MINK1: variants seen among roughly 807,000 people sequenced by gnomAD.
MINK1 encodes the protein misshapen-like kinase 1.
Under a neutral mutation model 178.4 loss-of-function variants are expected in MINK1, and 46 were observed. The observed-to-expected ratio is 0.26, with a 90% CI of 0.20 to 0.33. MINK1 has a LOEUF of 0.33. MINK1 is among the 10% of genes least tolerant of loss of function. The pLI, the probability that MINK1 is intolerant of heterozygous loss-of-function variation, is 1.00. For synonymous variants in MINK1, 797 were observed against 709.7 expected, an observed-to-expected ratio of 1.12 and a Z score of -1.96; for missense variants, 1,366 against 1,814.9, an observed-to-expected ratio of 0.75 and a Z score of 4.49.
chr17:4,844,649 C>T (rs1183093244), intron 1 of MINK1: 5 of 452,712 alleles, frequency 1.1e-5, no homozygotes, highest in Non-Finnish European at 2.2e-5. Context: ...GGGCTCGTAC[C>T]CAGAACTAAT....
chr17:4,891,725 A>G lies in MINK1; in HGVS notation c.2001+9A>G. On this transcript the variant is annotated intron_variant, in intron 16 of 31. Coordinates refer to ENST00000355280, the MANE Select transcript of MINK1 (RefSeq NM_153827.5). Reference sequence around the variant, plus strand: ...ACGAGGCCCCACCCAAGGTAAGGACAGTTCTGCAGGCCCAGGGAAAAGCAG... The same window carrying G: ...ACGAGGCCCCACCCAAGGTAAGGACGGTTCTGCAGGCCCAGGGAAAAGCAG... The G allele has an allele frequency of 1.3e-6, 2 of 1,596,152 alleles. No homozygotes were observed. The highest frequency in any genetic ancestry group is 1.1e-5 in the South Asian group (1 of 88,752).
chr17:4,855,267 A>G lies in MINK1; in HGVS notation c.57+21627A>G, dbSNP rs535893566. On this transcript the variant is annotated intron_variant, in intron 1 of 31. Coordinates refer to ENST00000355280, the MANE Select transcript of MINK1 (RefSeq NM_153827.5). Reference sequence around the variant, plus strand: ...TTTGGGAGGCTGAGGCAGGTGGATCACGAGGTCAGGAGATCAAGACCATCC... The same window carrying G: ...TTTGGGAGGCTGAGGCAGGTGGATCGCGAGGTCAGGAGATCAAGACCATCC... Among the ~76,000 whole-genome samples the G allele has an allele frequency of 2.7e-5, 4 of 150,284 alleles. No individual in the cohort carries two copies. The South Asian group carries it at 8.5e-4, about 32-fold the overall frequency.
At chr17:4,864,749 T>G (rs1482028828) in intron 1 of MINK1, among the ~76,000 whole-genome samples, 6 of 151,082 alleles carry the variant, frequency 4.0e-5, no homozygotes, top group Non-Finnish European at 8.9e-5. Context: ...ATGGGGAGAG[T>G]GGACAATGAC....
intron 4 of MINK1, among the ~76,000 whole-genome samples, chr17:4,883,661 AGCTGGGACTACAGGAGCCC>A (rs1337977385): frequency 6.9e-6 from 1 of 145,952 alleles, no homozygotes; most frequent in Admixed American, 6.8e-5. Context: ...CCTCCCAAGT[AGCTGGGACTACAGGAGCCC>A]GCCACCACGC....
chr17:4,853,214 G>A (rs868448677), intron 1 of MINK1, among the ~76,000 whole-genome samples: 2 of 37,436 alleles, frequency 5.3e-5, no homozygotes, highest in East Asian at 8.0e-4. Context: ...GTTGGTGGGG[G>A]GAGTGTGGTT....
rs1292960763 is a variant in MINK1 at position 4,891,724 on chromosome 17, C to T, written c.2001+8C>T. 1.3e-6 allele frequency: 2 copies of T among 1,595,894 alleles called. No individual in the cohort carries two copies. The highest frequency in any genetic ancestry group is 1.7e-6 in the Non-Finnish European group (2 of 1,171,092). On this transcript the variant is annotated splice_region_variant and intron_variant, in intron 16 of 31. Coordinates refer to ENST00000355280, the MANE Select transcript of MINK1 (RefSeq NM_153827.5). Reference sequence around the variant, plus strand: ...AACGAGGCCCCACCCAAGGTAAGGACAGTTCTGCAGGCCCAGGGAAAAGCA... The same window carrying T: ...AACGAGGCCCCACCCAAGGTAAGGATAGTTCTGCAGGCCCAGGGAAAAGCA...
At chr17:4,892,542 AC>A (rs757241265) in intron 18 of MINK1, 30 bp downstream of exon 18, 1 of 1,536,616 alleles carries the variant, frequency 6.5e-7, no homozygotes, top group Non-Finnish European at 8.9e-7. Flanking sequence ...ACTCACTCTC[AC>A]CTCTCACTTC....
intron 1 of MINK1, among the ~76,000 whole-genome samples, chr17:4,845,551 C>T (rs1013959694): frequency 1.3e-5 from 2 of 151,932 alleles, no homozygotes; most frequent in Non-Finnish European, 2.9e-5. Flanking sequence ...CTCCAGGCCT[C>T]GACAGTTGAG....
chr17:4,881,146 G>T lies in MINK1; in HGVS notation c.195G>T (p.Glu65Asp), dbSNP rs1252642119. Reference sequence around the variant, plus strand: ...CATCTGCTTAGGACGAGGAGGAAGAGATCAAACAGGAGATCAACATGCTGA... The same window carrying T: ...CATCTGCTTAGGACGAGGAGGAAGATATCAAACAGGAGATCAACATGCTGA... The part of the protein sequence containing the change: ...VMDVTEDEEE[E>D]IKQEINMLKK... The change falls in exon 4 of 32, where the codon GAG becomes GAT. Residue 65 changes from glutamate (E) to aspartate (D), a missense_variant. By Grantham distance (45) the Glu-to-Asp change is conservative. Coordinates refer to ENST00000355280, the MANE Select transcript of MINK1 (RefSeq NM_153827.5). The T allele has an allele frequency of 1.3e-6, 2 of 1,537,124 alleles. No homozygotes were observed. The highest frequency in any genetic ancestry group is 2.7e-5 in the African/African-American group (2 of 73,116).
intron 1 of MINK1, among the ~76,000 whole-genome samples, chr17:4,850,230 T>C (rs1270481578): frequency 6.6e-6 from 1 of 152,190 alleles, no homozygotes; most frequent in Non-Finnish European, 1.5e-5. Context: ...GTTTGTTGAA[T>C]GAATGCATGA....
rs771024889 is a variant in MINK1 at position 4,885,025 on chromosome 17, T to A, written c.508+23T>A. The A allele has an allele frequency of 1.2e-6, 2 of 1,611,528 alleles. No homozygotes were observed. The highest frequency in any genetic ancestry group is 1.7e-6 in the Non-Finnish European group (2 of 1,178,074). On this transcript the variant is annotated intron_variant, in intron 6 of 31. Coordinates refer to ENST00000355280, the MANE Select transcript of MINK1 (RefSeq NM_153827.5). The surrounding 1 kb of genome is among the most constrained non-coding windows in gnomAD (Gnocchi z 5.0). ...TAGGTGCGCCGGCTCCTTCTGAGGC[T>A]GACGAGGACCTTTCACCTCCAGAAC... is the stretch of plus-strand genomic sequence containing the variant.
intron 1 of MINK1, among the ~76,000 whole-genome samples, chr17:4,847,568 G>A (rs1017814196): frequency 1.3e-5 from 2 of 152,182 alleles, no homozygotes; most frequent in African/African-American, 4.8e-5. Flanking sequence ...ATGAGACAGA[G>A]CCAGCCCCCT....
chr17:4,865,887 C>A (rs929218078), intron 1 of MINK1, among the ~76,000 whole-genome samples: 4 of 151,842 alleles, frequency 2.6e-5, no homozygotes, highest in Non-Finnish European at 5.9e-5. Context: ...AGAGTGAGAA[C>A]CTGTCTCAAA....
At chr17:4,850,394 C>G (rs1456163177) in intron 1 of MINK1, among the ~76,000 whole-genome samples, 1 of 151,950 alleles carries the variant, frequency 6.6e-6, no homozygotes, top group Non-Finnish European at 1.5e-5. Flanking sequence ...TGCGTCTCTT[C>G]AGCTGTAATT....
chr17:4,837,075 TACTC>T (rs1292375653), intron 1 of MINK1, among the ~76,000 whole-genome samples: 3 of 152,070 alleles, frequency 2.0e-5, no homozygotes, highest in African/African-American at 7.2e-5. Context: ...TAATCCCAGT[TACTC>T]GGGAGGCTGA....
At chr17:4,845,571 A>G (rs776144724) in intron 1 of MINK1, among the ~76,000 whole-genome samples, 12 of 152,058 alleles carry the variant, frequency 7.9e-5, no homozygotes, top group Non-Finnish European at 1.8e-4. Context: ...GAGCCAGGTC[A>G]GGCTCTGTAT....
At chr17:4,867,074 A>AAATAATAATAATAATAATAATAATAAT (rs56934978) in intron 1 of MINK1, among the ~76,000 whole-genome samples, 396 of 119,958 alleles carry the variant, frequency 3.3e-3, no homozygotes, top group Admixed American at 4.4e-3. Flanking sequence ...ACTCGTCTCA[A>AAATAATAATAATAATAATAATAATAAT]AATAATAATA....
chr17:4,894,124 CTG>C lies in MINK1; in HGVS notation c.2670+38_2670+39del, dbSNP rs1969175320. 6.2e-7 allele frequency: 1 copy of C among 1,608,458 alleles called. No individual in the cohort carries two copies. The highest frequency in any genetic ancestry group is 1.3e-5 in the African/African-American group (1 of 74,786). On this transcript the variant is annotated intron_variant, in intron 22 of 31. Transcript: ENST00000355280. The surrounding 1 kb of genome is among the most constrained non-coding windows in gnomAD (Gnocchi z 4.1). ...TGAGCCTCTGCTCCCTCCCCTGTACCTGTGTGTGCCCTCCTCAGCCCCACGCC... is the reference window on the plus strand; with the variant it reads ...TGAGCCTCTGCTCCCTCCCCTGTACCTGTGTGCCCTCCTCAGCCCCACGCC...
At chr17:4,848,796 GC>G (rs1467157468) in intron 1 of MINK1, among the ~76,000 whole-genome samples, 1 of 152,154 alleles carries the variant, frequency 6.6e-6, no homozygotes, top group African/African-American at 2.4e-5. Flanking sequence ...CGCGAACCTG[GC>G]CCCTGTGCCT....
Sources: gnomAD v4.1 joint callset for allele counts (sites outside exome capture counted in the v4.1 genomes callset) on GRCh38, gnomAD v4.1.1 for gene constraint, Gnocchi (gnomAD v3.1) non-coding constraint, MANE v1.5 for transcripts, NCBI Gene and HGNC (gene_info 2026-07-23, HGNC 2026-07-21) for gene names.